Variants in KCNK1 observed in about 807,000 individuals in gnomAD.
KCNK1 encodes potassium two pore domain channel subfamily K member 1.
KCNK1 carries 10 observed loss-of-function variants against 22.2 expected under a neutral mutation model. The ratio of observed to expected loss-of-function variants is 0.45; its 90% confidence interval spans 0.28 to 0.76. The LOEUF is 0.76. Among genes scored for constraint, KCNK1 ranks in the 30% least tolerant of loss-of-function variants. KCNK1 has a pLI of 0.14. For synonymous variants in KCNK1, 200 were observed against 186.4 expected (o/e 1.07, Z -0.60); for missense variants, 378 against 421.0 (o/e 0.90, Z 0.89).
intron 1 of KCNK1, chr1:233,636,426 A>G (rs1657897690): frequency 6.6e-6 from 1 of 152,208 alleles, no homozygotes; most frequent in South Asian, 2.1e-4. Context: ...AGAGCTAGTA[A>G]GATTTGCTGG....
At chr1:233,623,871 G>A (rs932459651) in intron 1 of KCNK1, among the ~76,000 whole-genome samples, 2 of 152,104 alleles carry the variant, frequency 1.3e-5, no homozygotes, top group Non-Finnish European at 2.9e-5. Flanking sequence ...TACAGGTAGC[G>A]TGAGCCACCG....
At chr1:233,668,982 A>G (rs1658547571) in intron 2 of KCNK1, among the ~76,000 whole-genome samples, 1 of 152,206 alleles carries the variant, frequency 6.6e-6, no homozygotes. Flanking sequence ...CAAAGTGAAT[A>G]CGCCTTTTTG....
intron 1 of KCNK1, among the ~76,000 whole-genome samples, chr1:233,620,598 T>C (rs1441610032): frequency 6.6e-6 from 1 of 152,238 alleles, no homozygotes; most frequent in Non-Finnish European, 1.5e-5. Context: ...ATATCTACTA[T>C]AGAATTTACA....
At chr1:233,660,819 T>G (rs1249220898) in intron 1 of KCNK1, among the ~76,000 whole-genome samples, 1 of 152,222 alleles carries the variant, frequency 6.6e-6, no homozygotes, top group Non-Finnish European at 1.5e-5. Flanking sequence ...CACCACCCTC[T>G]CACTGAGAGC....
At chr1:233,650,957 G>A (rs1658192099) in intron 1 of KCNK1, among the ~76,000 whole-genome samples, 1 of 152,180 alleles carries the variant, frequency 6.6e-6, no homozygotes, top group African/African-American at 2.4e-5. Context: ...GAGGCTCAGA[G>A]GTTGGGTTTG....
intron 1 of KCNK1, among the ~76,000 whole-genome samples, chr1:233,615,864 G>T (rs1657481318): frequency 6.6e-6 from 1 of 152,082 alleles, no homozygotes; most frequent in Non-Finnish European, 1.5e-5. Flanking sequence ...TTATTCAGAG[G>T]TCTGGGGTGA....
chr1:233,627,019 T>C (rs1263270990), intron 1 of KCNK1, among the ~76,000 whole-genome samples: 2 of 152,202 alleles, frequency 1.3e-5, no homozygotes, highest in African/African-American at 4.8e-5. Context: ...TGATTTTTTT[T>C]TTCACAAACA....
intron 1 of KCNK1, 53 bp from the exon 2 acceptor site, chr1:233,666,541 TG>T: frequency 7.2e-6 from 11 of 1,524,108 alleles, no homozygotes; most frequent in Non-Finnish European, 9.7e-6. Flanking sequence ...TTTAAAAACG[TG>T]TTTGCCACTT....
chr1:233,631,289 T>C (rs757032957), intron 1 of KCNK1: 4 of 531,700 alleles, frequency 7.5e-6, no homozygotes, highest in Non-Finnish European at 1.5e-5. Flanking sequence ...ATATGAAAGG[T>C]TGTCACTCAC....
rs1306797698 is a variant in KCNK1, at chr1:233,671,527, T to C, written c.1008T>C (p.His336=). ...SSACVDGPAN[H] Reference sequence around the variant, plus strand: ...CCTGCGTGGATGGCCCTGCAAACCATTGAGCGTAGGATTTGTTGCATTATG... The same window carrying C: ...CCTGCGTGGATGGCCCTGCAAACCACTGAGCGTAGGATTTGTTGCATTATG... Residue 336 remains histidine, a synonymous_variant, in exon 3 of 3, where the codon CAT becomes CAC. Transcript: ENST00000366621. The C allele has an allele frequency of 1.2e-5, 20 of 1,613,792 alleles. No individual in the cohort carries two copies. Among genetic ancestry groups the C allele is most frequent in the Non-Finnish European group, 1.6e-5 (19 of 1,180,020 alleles).
At chr1:233,632,268 C>T (rs543270982) in intron 1 of KCNK1, among the ~76,000 whole-genome samples, 38 of 152,194 alleles carry the variant, frequency 2.5e-4, no homozygotes, top group Admixed American at 2.2e-3. Context: ...ACTTTAACAT[C>T]GTTGCTCTGT....
intron 1 of KCNK1, among the ~76,000 whole-genome samples, chr1:233,628,753 C>CTA (rs941271513): frequency 1.7e-5 from 2 of 117,464 alleles, no homozygotes; most frequent in African/African-American, 7.1e-5. Context: ...GAGCAAGACT[C>CTA]TGTCTCAAAT....
At chr1:233,628,497 C>T (rs575303287) in intron 1 of KCNK1, among the ~76,000 whole-genome samples, 52 of 152,244 alleles carry the variant, frequency 3.4e-4, no homozygotes, top group African/African-American at 1.0e-3. Context: ...TGGTGGCTCA[C>T]GCCTGGAATC....
chr1:233,659,888 T>C (rs1658362795), intron 1 of KCNK1, among the ~76,000 whole-genome samples: 1 of 152,192 alleles, frequency 6.6e-6, no homozygotes. Context: ...CCAAGGATGA[T>C]AAGAGAACCT....
chr1:233,667,539 G>A (rs1453534701), intron 2 of KCNK1, among the ~76,000 whole-genome samples: 2 of 151,706 alleles, frequency 1.3e-5, no homozygotes, highest in Admixed American at 6.6e-5. Context: ...GACCATCCTG[G>A]CTAACACGGT....
At chr1:233,652,842 G>A (rs1217363039) in intron 1 of KCNK1, among the ~76,000 whole-genome samples, 1 of 152,170 alleles carries the variant, frequency 6.6e-6, no homozygotes, top group African/African-American at 2.4e-5. Flanking sequence ...CCTTTGCAGA[G>A]CTTGGCTCTG....
At chr1:233,624,955 T>C (rs1657659651) in intron 1 of KCNK1, among the ~76,000 whole-genome samples, 1 of 152,150 alleles carries the variant, frequency 6.6e-6, no homozygotes, top group South Asian at 2.1e-4. Flanking sequence ...GGAGATACAA[T>C]TGTAGGGGCC....
intron 1 of KCNK1, among the ~76,000 whole-genome samples, chr1:233,615,830 A>G (rs58031102): frequency 0.032 from 4,895 of 152,136 alleles, 255 homozygotes; most frequent in African/African-American, 0.11. Context: ...ATAATACACT[A>G]TTCATGTAGA....
intron 1 of KCNK1, among the ~76,000 whole-genome samples, chr1:233,622,135 C>T (rs1026418386): frequency 1.3e-5 from 2 of 152,184 alleles, no homozygotes; most frequent in African/African-American, 4.8e-5. Context: ...TGACATTGCT[C>T]ATTGGACTGT....
Sources: gnomAD v4.1 joint callset for allele counts (sites outside exome capture counted in the v4.1 genomes callset) on GRCh38, gnomAD v4.1.1 for gene constraint, MANE v1.5 for transcripts, NCBI Gene and HGNC (gene_info 2026-07-23, HGNC 2026-07-21) for gene names.